CHST11: variants seen among roughly 807,000 people sequenced by gnomAD.
The protein encoded by CHST11 is carbohydrate sulfotransferase 11, also known as C4S-1.
Under a neutral mutation model 30.4 loss-of-function variants are expected in CHST11, and 9 were observed. That is an observed-to-expected ratio of 0.30 (90% CI 0.18 to 0.52). CHST11 has a LOEUF of 0.52. Ranked by LOEUF, CHST11 falls within the 20% of genes least tolerant of loss-of-function variation. The pLI, the probability that CHST11 is intolerant of heterozygous loss-of-function variation, is 0.97. For missense variants in CHST11, 348 were observed against 460.6 expected (o/e 0.76, Z 2.24); for synonymous variants, 152 against 187.8 (o/e 0.81, Z 1.56).
intron 2 of CHST11, among the ~76,000 whole-genome samples, chr12:104,687,500 A>G (rs142670534): frequency 1.2e-4 from 18 of 152,366 alleles, no homozygotes; most frequent in East Asian, 1.9e-4. Context: ...CTTATTTTAC[A>G]GATGAAGAAA....
intron 1 of CHST11, among the ~76,000 whole-genome samples, chr12:104,567,158 T>TTA (rs919210476): frequency 5.3e-5 from 8 of 152,190 alleles, no homozygotes; most frequent in African/African-American, 1.9e-4. Context: ...AGTGTATCCC[T>TTA]TACGCTTGCC....
At chr12:104,587,905 T>A (rs2038821478) in intron 1 of CHST11, among the ~76,000 whole-genome samples, 1 of 151,444 alleles carries the variant, frequency 6.6e-6, no homozygotes, top group Non-Finnish European at 1.5e-5. Context: ...ATTAGGTTTT[T>A]TAAAATGCTC....
chr12:104,706,657 T>C (rs1157525196), intron 2 of CHST11, among the ~76,000 whole-genome samples: 1 of 152,134 alleles, frequency 6.6e-6, no homozygotes, highest in African/African-American at 2.4e-5. Flanking sequence ...TTCACTGTTT[T>C]TGTCTCATTG....
At chr12:104,710,661 G>A (rs757288503) in intron 2 of CHST11, among the ~76,000 whole-genome samples, 18 of 152,230 alleles carry the variant, frequency 1.2e-4, no homozygotes, top group Non-Finnish European at 1.9e-4. Flanking sequence ...TTAGCAGTAA[G>A]TCACAGGTTT....
chr12:104,741,638 G>T (rs1341932771), intron 2 of CHST11, among the ~76,000 whole-genome samples: 1 of 152,174 alleles, frequency 6.6e-6, no homozygotes, highest in Non-Finnish European at 1.5e-5. Context: ...AATCTAAGTT[G>T]CCGCCAATTG....
intron 2 of CHST11, among the ~76,000 whole-genome samples, chr12:104,674,786 G>T (rs1007468194): frequency 2.6e-5 from 4 of 151,974 alleles, no homozygotes; most frequent in Non-Finnish European, 5.9e-5. Context: ...CTATATCTAG[G>T]ATATAATGCC....
chr12:104,663,215 G>A (rs1388313005), intron 2 of CHST11, among the ~76,000 whole-genome samples: 2 of 152,232 alleles, frequency 1.3e-5, no homozygotes, highest in Non-Finnish European at 2.9e-5. Context: ...ACCTCCGTGC[G>A]ACTTCCATCT....
intron 2 of CHST11, among the ~76,000 whole-genome samples, chr12:104,609,851 G>A (rs1467534330): frequency 6.6e-6 from 1 of 150,848 alleles, no homozygotes; most frequent in African/African-American, 2.4e-5. Context: ...CTGTAATATA[G>A]GCTCAGACAT....
intron 2 of CHST11, among the ~76,000 whole-genome samples, chr12:104,718,614 C>T (rs190941534): frequency 4.9e-4 from 74 of 152,234 alleles, no homozygotes; most frequent in Admixed American, 2.6e-3. Context: ...TGAGGAGTGG[C>T]GATTGTTTGT....
Position 104,692,878 on chromosome 12 carries a change from TA to T in CHST11, c.205-64059del, listed in dbSNP as rs751476766. Among the ~76,000 whole-genome samples, 574 of 79,896 alleles carry T rather than the reference TA, an allele frequency of 7.2e-3. 14 individuals are homozygous for T. In the East Asian group the frequency reaches 0.11, roughly 15 times the overall value. 52.4% of individuals were successfully genotyped at this position (79,896 alleles called of 152,430 possible). On this transcript the variant is annotated intron_variant, in intron 2 of 2. Coordinates refer to ENST00000303694, the MANE Select transcript of CHST11 (RefSeq NM_018413.6). ...CCCCGCCCCTCCCACCCCCATCCAT[TA>T]AAAAAAAAAAACAAAAAAAAAACTG... is the stretch of plus-strand genomic sequence containing the variant.
chr12:104,710,748 T>C (rs140306163), intron 2 of CHST11, among the ~76,000 whole-genome samples: 54 of 152,264 alleles, frequency 3.5e-4, no homozygotes, highest in African/African-American at 1.2e-3. Flanking sequence ...TGATTTAACC[T>C]CCCCTCTTCT....
At chr12:104,486,517 T>G (rs2037680542) in intron 1 of CHST11, among the ~76,000 whole-genome samples, 1 of 152,152 alleles carries the variant, frequency 6.6e-6, no homozygotes. Flanking sequence ...ATCCTGGGCT[T>G]CACAGCCCAT....
intron 2 of CHST11, among the ~76,000 whole-genome samples, chr12:104,722,135 C>T (rs2040182032): frequency 6.9e-6 from 1 of 144,438 alleles, no homozygotes; most frequent in South Asian, 2.1e-4. Context: ...ACTACTGGCG[C>T]ATACTACCAC....
At chr12:104,672,439 T>C (rs1461195948) in intron 2 of CHST11, among the ~76,000 whole-genome samples, 1 of 152,250 alleles carries the variant, frequency 6.6e-6, no homozygotes, top group Non-Finnish European at 1.5e-5. Flanking sequence ...TGGCAAATTC[T>C]GCCAAAATAC....
At chr12:104,635,723 A>C (rs1286789830) in intron 2 of CHST11, among the ~76,000 whole-genome samples, 1 of 152,224 alleles carries the variant, frequency 6.6e-6, no homozygotes. Flanking sequence ...TGCTGGTCTC[A>C]TCCAAAGAAG....
In CHST11 at chr12:104,513,126, G is replaced by GGGT. The variant is rs1555229101; in HGVS notation, c.118+55599_118+55600insTGG. Among the ~76,000 whole-genome samples, 2 of 54,820 alleles carry GGGT rather than the reference G, an allele frequency of 3.6e-5. 1 individual carries two copies. The highest frequency in any genetic ancestry group is 7.9e-5 in the Non-Finnish European group (2 of 25,422). The allele number at this position is 54,820 out of a possible 152,430, so 36.0% of individuals were successfully genotyped here. ...CAGTGCTTCCAAATGTCATGACTGG[G>GGGT]GGGGGGGGGGGTTGGGGGTGGGGAG... On this transcript the variant is annotated intron_variant, in intron 1 of 2. Coordinates refer to ENST00000303694, the MANE Select transcript of CHST11 (RefSeq NM_018413.6).
At chr12:104,583,225 A>G (rs2038765553) in intron 1 of CHST11, among the ~76,000 whole-genome samples, 1 of 152,064 alleles carries the variant, frequency 6.6e-6, no homozygotes, top group Non-Finnish European at 1.5e-5. Flanking sequence ...TCTTTACTTT[A>G]AGATGAAACC....
chr12:104,521,071 T>C (rs78401813), intron 1 of CHST11, among the ~76,000 whole-genome samples: 2,399 of 152,300 alleles, frequency 0.016, 35 homozygotes, highest in Middle Eastern at 0.031. Context: ...ATAAGGATAA[T>C]AGTTGATCTC....
At chr12:104,561,431 A>G (rs535880113) in intron 1 of CHST11, among the ~76,000 whole-genome samples, 1 of 152,332 alleles carries the variant, frequency 6.6e-6, no homozygotes, top group South Asian at 2.1e-4. Context: ...CATGTGGTGT[A>G]CTTCTTGTTC....
Sources: allele counts gnomAD v4.1 joint callset (sites outside exome capture counted in the v4.1 genomes callset), GRCh38; gene constraint gnomAD v4.1.1; transcripts MANE v1.5; gene names NCBI Gene and HGNC (gene_info 2026-07-23, HGNC 2026-07-21).